GDPD5: variants seen among roughly 807,000 people sequenced by gnomAD.
GDPD5 encodes the protein glycerophosphodiester phosphodiesterase 2.
A neutral mutation model predicts 75.1 loss-of-function variants in GDPD5; 48 were observed. That is an observed-to-expected ratio of 0.64 (90% CI 0.51 to 0.81). GDPD5 has a LOEUF of 0.81. Among genes scored for constraint, GDPD5 ranks in the 40% least tolerant of loss-of-function variants. The pLI, the probability that GDPD5 is intolerant of heterozygous loss-of-function variation, is 0.00. For missense variants in GDPD5, 706 were observed against 822.6 expected, an observed-to-expected ratio of 0.86 and a Z score of 1.73; for synonymous variants, 336 against 339.0, an observed-to-expected ratio of 0.99 and a Z score of 0.10.
At chr11:75,509,039 T>C (rs1177115192) in intron 1 of GDPD5, 3 of 152,222 alleles carry the variant, frequency 2.0e-5, no homozygotes. Flanking sequence ...AACAGGGAAG[T>C]GGAAGGGATG....
chr11:75,498,756 A>C (rs1950255414), intron 1 of GDPD5, among the ~76,000 whole-genome samples: 2 of 152,176 alleles, frequency 1.3e-5, no homozygotes, highest in South Asian at 4.1e-4. Flanking sequence ...CTTGCTGACC[A>C]CACAGCCTGG....
At chr11:75,450,127 C>T (rs1274030770) in intron 6 of GDPD5, 144 bp from the exon 7 acceptor site, 3 of 648,464 alleles carry the variant, frequency 4.6e-6, no homozygotes, top group Non-Finnish European at 8.0e-6. Context: ...AAGAGACAGG[C>T]ATGGGCTGCC....
In GDPD5 at chr11:75,437,222, G is replaced by T. The variant is rs1006229950; in HGVS notation, c.1557-174C>A. On this transcript the variant is annotated intron_variant, in intron 15 of 16. Transcript: ENST00000336898. ...GGGCAGAGTTGGGGCTTGAATCAGA[G>T]CCTACTGACTCTCGGCCAGGGCTCC... 22 of 583,300 alleles carry T rather than the reference G, an allele frequency of 3.8e-5. No homozygotes were observed. In the South Asian group the frequency reaches 4.7e-4, roughly 12 times the overall value. The allele number at this position is 583,300 out of a possible 1,614,324, so 36.1% of individuals were successfully genotyped here. A position where few individuals can be genotyped will look rare whatever the true frequency, so the allele number is the denominator to read the frequency against.
chr11:75,516,040 G>C (rs916704973), intron 1 of GDPD5: 4 of 152,340 alleles, frequency 2.6e-5, no homozygotes, highest in African/African-American at 9.7e-5. Context: ...AAGTGTCTTT[G>C]GTTTGCTTCT....
intron 2 of GDPD5, among the ~76,000 whole-genome samples, chr11:75,483,693 T>C (rs573591176): frequency 1.2e-4 from 19 of 152,192 alleles, no homozygotes; most frequent in Non-Finnish European, 2.6e-4. Flanking sequence ...TAAAAAGGAA[T>C]TGAGGCAACA....
rs1281931747 is a variant in GDPD5, at chr11:75,477,688, G to A, written c.48C>T (p.Leu16=). ...PLQYYEPQLC[L]SCLTGIYGCR... ...AGCCGTAGATGCCCGTGAGGCAGGA[G>A]AGGCACAGCTGTGGCTCGTAGTACT... Residue 16 remains leucine, a synonymous_variant, in exon 3 of 17, where the codon CTC becomes CTT. Coordinates refer to ENST00000336898, the MANE Select transcript of GDPD5 (RefSeq NM_030792.8). 3.1e-6 allele frequency: 5 copies of A among 1,599,176 alleles called. No individual in the cohort carries two copies. The Admixed American group carries it at 8.4e-5, about 27-fold the overall frequency.
chr11:75,494,885 G>C (rs555017304), intron 1 of GDPD5, among the ~76,000 whole-genome samples: 6 of 152,082 alleles, frequency 3.9e-5, no homozygotes, highest in African/African-American at 1.4e-4. Flanking sequence ...CAGGCAGGCA[G>C]AGGTTGCAGT....
At chr11:75,488,093 G>A (rs7125082) in intron 2 of GDPD5, among the ~76,000 whole-genome samples, 14,494 of 152,020 alleles carry the variant, frequency 0.095, 820 homozygotes, top group East Asian at 0.17. Context: ...TCTCCAGACC[G>A]GTCAGTGGCT....
Position 75,509,301 on chromosome 11 carries a change from A to G in GDPD5, c.-145+15909T>C, listed in dbSNP as rs557669749. Among the ~76,000 whole-genome samples the G allele has an allele frequency of 2.6e-5, 4 of 152,348 alleles. No homozygotes were observed. The South Asian group carries it at 8.3e-4, about 32-fold the overall frequency. ...CCCAGCAGATAGGAAGGACAGCACC[A>G]TCTTTCTTTCTGTTCAAACACAGAC... On this transcript the variant is annotated intron_variant, in intron 1 of 16. Transcript: ENST00000336898.
At chr11:75,454,063 C>T (rs142630774) in intron 6 of GDPD5, among the ~76,000 whole-genome samples, 44 of 152,180 alleles carry the variant, frequency 2.9e-4, no homozygotes, top group African/African-American at 1.0e-3. Flanking sequence ...ATGGTAAAAA[C>T]GCAATGAGCA....
At chr11:75,509,264 C>CT (rs1303742954) in intron 1 of GDPD5, among the ~76,000 whole-genome samples, 1 of 152,204 alleles carries the variant, frequency 6.6e-6, no homozygotes, top group Non-Finnish European at 1.5e-5. Flanking sequence ...GGGGCGGTAT[C>CT]TGGTCCCTGG....
intron 2 of GDPD5, among the ~76,000 whole-genome samples, chr11:75,489,158 C>T (rs557257492): frequency 7.1e-6 from 1 of 141,646 alleles, no homozygotes; most frequent in East Asian, 2.2e-4. Context: ...TAGCCTCTTC[C>T]CAATTTACAG....
chr11:75,460,638 G>T (rs888924206), intron 4 of GDPD5, among the ~76,000 whole-genome samples: 5 of 152,086 alleles, frequency 3.3e-5, no homozygotes, highest in African/African-American at 1.2e-4. Context: ...TAGAGATGGG[G>T]TTTTTTCATG....
chr11:75,491,348 A>T (rs1427224129), intron 1 of GDPD5, among the ~76,000 whole-genome samples: 1 of 152,218 alleles, frequency 6.6e-6, no homozygotes, highest in Non-Finnish European at 1.5e-5. Context: ...CAATGATCCT[A>T]AGGCCTAAGT....
intron 15 of GDPD5, chr11:75,437,316 T>C: frequency 2.1e-6 from 1 of 475,114 alleles, no homozygotes; most frequent in South Asian, 3.1e-5. Flanking sequence ...TGGTTAGTTC[T>C]GTCTCAGGTG....
intron 1 of GDPD5, among the ~76,000 whole-genome samples, chr11:75,523,382 A>T (rs1941540758): frequency 2.0e-5 from 3 of 152,300 alleles, no homozygotes; most frequent in South Asian, 4.1e-4. Flanking sequence ...GCACTCAAAC[A>T]GTTCTACAAG....
At chr11:75,474,003 G>C (rs1454912572) in intron 3 of GDPD5, among the ~76,000 whole-genome samples, 1 of 152,198 alleles carries the variant, frequency 6.6e-6, no homozygotes, top group Admixed American at 6.5e-5. Flanking sequence ...AGAGCAGGTA[G>C]CAGGACAGGT....
chr11:75,444,861 T>A (rs1369787857), intron 9 of GDPD5, among the ~76,000 whole-genome samples: 3 of 152,068 alleles, frequency 2.0e-5, no homozygotes, highest in Non-Finnish European at 2.9e-5. Flanking sequence ...TTTTTTACAG[T>A]CCTCTGTGGC....
At chr11:75,521,081 G>A (rs999348590) in intron 1 of GDPD5, among the ~76,000 whole-genome samples, 4 of 152,198 alleles carry the variant, frequency 2.6e-5, no homozygotes, top group East Asian at 1.9e-4. Flanking sequence ...CACGAAAGAC[G>A]ATGTAGAAAG....
Sources: gnomAD v4.1 joint callset for allele counts (sites outside exome capture counted in the v4.1 genomes callset) on GRCh38, gnomAD v4.1.1 for gene constraint, MANE v1.5 for transcripts, NCBI Gene and HGNC (gene_info 2026-07-23, HGNC 2026-07-21) for gene names.